Variants in LRP1B observed in about 807,000 individuals in gnomAD.
The protein encoded by LRP1B is LDL receptor related protein 1B, also known as low-density lipoprotein receptor-related protein 1B.
A neutral mutation model predicts 556.6 loss-of-function variants in LRP1B; 217 were observed. The observed-to-expected ratio is 0.39, with a 90% confidence interval of 0.35 to 0.44. The LOEUF (loss-of-function observed/expected upper bound fraction) is 0.44, where lower values mean the gene tolerates loss of function less well. Ranked by LOEUF, LRP1B falls within the 20% of genes least tolerant of loss-of-function variation. The probability of loss-of-function intolerance (pLI) is 1.00; values close to 1 mark genes in which losing one functional copy is unlikely to be tolerated. For synonymous variants in LRP1B, 2,047 were observed against 1,865.8 expected (o/e 1.10, Z -2.50); for missense variants, 5,053 against 5,620.8 (o/e 0.90, Z 3.23).
intron 15 of LRP1B, among the ~76,000 whole-genome samples, chr2:141,004,780 A>C (rs1357981582): frequency 1.3e-5 from 2 of 152,088 alleles, no homozygotes; most frequent in African/African-American, 4.8e-5. Context: ...AGAAGGAATC[A>C]GTTTCAAAAG....
intron 25 of LRP1B, among the ~76,000 whole-genome samples, chr2:140,872,864 T>G (rs1251843037): frequency 4.6e-5 from 7 of 151,462 alleles, no homozygotes; most frequent in Non-Finnish European, 8.8e-5. Context: ...AAAAAAAAGG[T>G]CTTTATGAAT....
chr2:140,269,285 A>C (rs745396783), intron 86 of LRP1B: 18 of 470,936 alleles, frequency 3.8e-5, no homozygotes, highest in Non-Finnish European at 7.1e-5. Context: ...TCGGCTCATT[A>C]AACGCAGTTA....
intron 62 of LRP1B, among the ~76,000 whole-genome samples, chr2:140,452,312 C>A (rs1686918281): frequency 6.6e-6 from 1 of 152,080 alleles, no homozygotes. Flanking sequence ...ATAGAAGAAA[C>A]TAAAGACAAA....
At chr2:141,851,004 C>T (rs1697835136) in intron 1 of LRP1B, among the ~76,000 whole-genome samples, 1 of 151,660 alleles carries the variant, frequency 6.6e-6, no homozygotes, top group African/African-American at 2.4e-5. Flanking sequence ...TAACCGCTCA[C>T]AATAAAATCC....
chr2:141,430,439 C>T (rs1286620270), intron 3 of LRP1B, among the ~76,000 whole-genome samples: 1 of 151,864 alleles, frequency 6.6e-6, no homozygotes, highest in African/African-American at 2.4e-5. Flanking sequence ...TGGGCTGCAA[C>T]AAAATCTAAG....
chr2:140,430,745 G>A (rs113400148), intron 66 of LRP1B, among the ~76,000 whole-genome samples: 5,189 of 152,158 alleles, frequency 0.034, 269 homozygotes, highest in African/African-American at 0.12. Context: ...GTTACAAGCC[G>A]CTAGCCCGTC....
chr2:141,327,022 G>A, intron 3 of LRP1B, among the ~76,000 whole-genome samples: 1 of 152,080 alleles, frequency 6.6e-6, no homozygotes, highest in East Asian at 1.9e-4. Flanking sequence ...AAAAAGGAAG[G>A]AGCTAACAAT....
rs1309876767 is a variant in LRP1B at position 140,271,886 on chromosome 2, AT to A, written c.13143-1541del. Among the ~76,000 whole-genome samples the A allele has an allele frequency of 1.1e-4, 16 of 151,486 alleles. 1 individual carries two copies. The highest frequency in any genetic ancestry group is 3.2e-4 in the African/African-American group (13 of 41,110). On this transcript the variant is annotated intron_variant, in intron 85 of 90. Coordinates refer to ENST00000389484, the MANE Select transcript of LRP1B (RefSeq NM_018557.3). ...TCCTCCATGCCCAGCCTCTTTGAAA[AT>A]AATAAAGTCAAAAAATTATAGTTTC...
At chr2:140,679,517 T>C (rs1322070706) in intron 41 of LRP1B, among the ~76,000 whole-genome samples, 1 of 152,224 alleles carries the variant, frequency 6.6e-6, no homozygotes, top group African/African-American at 2.4e-5. Context: ...CATTGTTTTT[T>C]ACCAGTACGT....
intron 3 of LRP1B, among the ~76,000 whole-genome samples, chr2:141,462,641 C>G (rs1681926391): frequency 3.3e-5 from 5 of 151,932 alleles, no homozygotes. Flanking sequence ...GCACATGTAT[C>G]TCAGAACTCA....
At chr2:141,005,896 A>G (rs1371148323) in intron 14 of LRP1B, among the ~76,000 whole-genome samples, 1 of 151,944 alleles carries the variant, frequency 6.6e-6, no homozygotes, top group East Asian at 1.9e-4. Context: ...TGCAGTATAC[A>G]CCGGAAAGGC....
chr2:141,690,949 C>T (rs376375139), intron 2 of LRP1B, among the ~76,000 whole-genome samples: 47 of 151,566 alleles, frequency 3.1e-4, no homozygotes, highest in African/African-American at 1.1e-3. Context: ...ATACGGGGGA[C>T]GAAAGATACA....
chr2:141,344,490 G>A (rs1414384135), intron 3 of LRP1B, among the ~76,000 whole-genome samples: 1 of 152,106 alleles, frequency 6.6e-6, no homozygotes, highest in African/African-American at 2.4e-5. Flanking sequence ...TAATCACCTG[G>A]TTGGCTCTTC....
At chr2:141,053,420 T>C (rs1368229906) in intron 10 of LRP1B, among the ~76,000 whole-genome samples, 1 of 151,994 alleles carries the variant, frequency 6.6e-6, no homozygotes, top group East Asian at 1.9e-4. Flanking sequence ...GACTATCAGA[T>C]GAGACTTAAC....
chr2:140,278,246 C>A (rs1336067965), intron 84 of LRP1B, among the ~76,000 whole-genome samples: 2 of 151,942 alleles, frequency 1.3e-5, no homozygotes, highest in Non-Finnish European at 2.9e-5. Flanking sequence ...CATGAGGGAA[C>A]TTTTGCAGTG....
intron 1 of LRP1B, among the ~76,000 whole-genome samples, chr2:141,893,535 C>T (rs1449635197): frequency 6.6e-6 from 1 of 152,032 alleles, no homozygotes; most frequent in Non-Finnish European, 1.5e-5. Context: ...ATTTGTAGAC[C>T]AAATTTTTTT....
At chr2:141,573,985 G>A (rs1419195488) in intron 2 of LRP1B, among the ~76,000 whole-genome samples, 2 of 152,156 alleles carry the variant, frequency 1.3e-5, no homozygotes, top group African/African-American at 4.8e-5. Flanking sequence ...CCCAGGACTA[G>A]ATAGAGTTAC....
intron 35 of LRP1B, among the ~76,000 whole-genome samples, chr2:140,746,895 G>A (rs1003204260): frequency 3.3e-5 from 5 of 151,728 alleles, no homozygotes; most frequent in South Asian, 2.1e-4. Context: ...AATCAAATGC[G>A]TACTACTTCC....
intron 6 of LRP1B, among the ~76,000 whole-genome samples, chr2:141,219,153 T>C (rs1296635119): frequency 6.6e-6 from 1 of 152,118 alleles, no homozygotes; most frequent in Non-Finnish European, 1.5e-5. Context: ...TGCAATCCAA[T>C]CGGGTTGAGG....
Sources: gnomAD v4.1 joint callset for allele counts (sites outside exome capture counted in the v4.1 genomes callset) on GRCh38, gnomAD v4.1.1 for gene constraint, MANE v1.5 for transcripts, NCBI Gene and HGNC (gene_info 2026-07-23, HGNC 2026-07-21) for gene names.